THSD7B: variants seen among roughly 807,000 people sequenced by gnomAD.
THSD7B encodes the protein thrombospondin type-1 domain-containing protein 7B.
In THSD7B, 138 loss-of-function variants were observed where a neutral mutation model predicts 213.6. That is an observed-to-expected ratio of 0.65 (90% CI 0.56 to 0.74). The LOEUF (loss-of-function observed/expected upper bound fraction) is 0.74. Ranked by LOEUF, THSD7B falls within the 30% of genes least tolerant of loss-of-function variation. The pLI is 0.00. For missense variants in THSD7B, 1,931 were observed against 1,991.5 expected (o/e 0.97, Z 0.58); for synonymous variants, 742 against 687.0 (o/e 1.08, Z -1.25).
chr2:137,631,922 T>C (rs1468770491), intron 20 of THSD7B, among the ~76,000 whole-genome samples: 1 of 152,218 alleles, frequency 6.6e-6, no homozygotes, highest in African/African-American at 2.4e-5. Context: ...TACTTTTTAA[T>C]ACCTGTTGGT....
chr2:137,235,246 G>C (rs967974569), intron 9 of THSD7B, among the ~76,000 whole-genome samples: 23 of 152,162 alleles, frequency 1.5e-4, no homozygotes, highest in African/African-American at 5.3e-4. Flanking sequence ...CGAAAGATTA[G>C]AATGAATATA....
chr2:137,345,380 T>A (rs1038478450), intron 12 of THSD7B, among the ~76,000 whole-genome samples: 3 of 151,666 alleles, frequency 2.0e-5, no homozygotes, highest in African/African-American at 7.3e-5. Flanking sequence ...AAAAAAATAA[T>A]TTATAAGCTA....
intron 21 of THSD7B, among the ~76,000 whole-genome samples, chr2:137,646,681 T>TAATAATAATAATAATAAA (rs879335014): frequency 0.063 from 9,264 of 147,858 alleles, 444 homozygotes; most frequent in Non-Finnish European, 0.099. Context: ...ATAATAATAA[T>TAATAATAATAATAATAAA]AAACACTTCA....
rs1237304721 is a variant in THSD7B at position 137,360,648 on chromosome 2, C to G, written c.2501-44965C>G. The stretch of plus-strand genomic sequence containing the variant: ...TTGAACTGCTGGGCGGCAAGCCTGG[C>G]TAGGGGAGGGGCGTCTGCCATTGCT... On this transcript the variant is annotated intron_variant, in intron 12 of 27. Transcript: ENST00000409968. 2.0e-5 allele frequency among the ~76,000 whole-genome samples: 3 copies of G among 152,270 alleles called. No individual in the cohort carries two copies. In the East Asian group the frequency reaches 5.8e-4, roughly 30 times the overall value.
chr2:137,219,061 T>C (rs1464929825), intron 7 of THSD7B, among the ~76,000 whole-genome samples: 1 of 152,128 alleles, frequency 6.6e-6, no homozygotes, highest in Non-Finnish European at 1.5e-5. Flanking sequence ...GAGAAAAATA[T>C]ACAGCATGAT....
At chr2:137,258,022 A>G (rs1682347309) in intron 10 of THSD7B, among the ~76,000 whole-genome samples, 1 of 152,102 alleles carries the variant, frequency 6.6e-6, no homozygotes, top group African/African-American at 2.4e-5. Context: ...GATTCATGTA[A>G]AGCACTTGGT....
At chr2:137,307,378 C>T (rs1361638647) in intron 12 of THSD7B, among the ~76,000 whole-genome samples, 1 of 152,032 alleles carries the variant, frequency 6.6e-6, no homozygotes, top group African/African-American at 2.4e-5. Context: ...TGTGGTGACA[C>T]ATGGGAAAAG....
intron 15 of THSD7B, among the ~76,000 whole-genome samples, chr2:137,552,143 T>G (rs1680861040): frequency 2.0e-5 from 3 of 152,170 alleles, no homozygotes; most frequent in Admixed American, 2.0e-4. Context: ...TTTTTGACTT[T>G]TTGAAATTGT....
In THSD7B at chr2:137,294,583, CAAA is replaced by C. The variant is rs1210363889; in HGVS notation, c.2500+18576_2500+18578del. Among the ~76,000 whole-genome samples, 12 of 73,242 alleles carry C rather than the reference CAAA, an allele frequency of 1.6e-4. 1 individual carries two copies. The highest frequency in any genetic ancestry group is 4.5e-4 in the African/African-American group (9 of 20,206). 48.0% of individuals were successfully genotyped at this position (73,242 alleles called of 152,430 possible). ...GGGTGAAAAGAGTGAAACTCCATCT[CAAA>C]AAAAAAAAAAAAAAAAAAGAAAGGG... On this transcript the variant is annotated intron_variant, in intron 12 of 27. Coordinates refer to ENST00000409968, the MANE Select transcript of THSD7B (RefSeq NM_001316349.2).
Position 137,451,015 on chromosome 2 carries a change from A to G in THSD7B, c.3130A>G (p.Lys1044Glu). The change falls in exon 15 of 28, where the codon AAG (lysine) becomes GAG (glutamate). Residue 1044 changes from lysine (K) to glutamate (E), a missense_variant. Lys to Glu is a moderately conservative substitution (Grantham distance 56). Transcript: ENST00000409968. ...GGRPCPKLDL[K>E]NQVHEAVPCY... Reference sequence around the variant, plus strand: ...ACGACCATGTCCCAAACTGGATCTCAAGAATCAGGTAAAGTGCATGAAGCA... The same window carrying G: ...ACGACCATGTCCCAAACTGGATCTCGAGAATCAGGTAAAGTGCATGAAGCA... 1.3e-6 allele frequency: 2 copies of G among 1,594,688 alleles called. No individual in the cohort carries two copies. The highest frequency in any genetic ancestry group is 2.3e-5 in the East Asian group (1 of 44,414).
At chr2:137,645,582 G>A (rs1030737533) in intron 21 of THSD7B, among the ~76,000 whole-genome samples, 4 of 152,006 alleles carry the variant, frequency 2.6e-5, no homozygotes, top group African/African-American at 9.7e-5. Context: ...ATACATACTA[G>A]GAGCACACTG....
rs1300617149 is a variant in THSD7B, at chr2:137,563,308, C to T, written c.3226C>T (p.Leu1076=). ...GTCTTCATGCAAAATCAACAATGAG[C>T]TGAGGTCCCTGCGCTGTGGAGGAGG... The part of the protein sequence containing the change: ...HWSSCKINNE[L]RSLRCGGGTQ... The change falls in exon 16 of 28, where the codon CTG becomes TTG. Residue 1076 remains leucine (L), a synonymous_variant. Transcript: ENST00000409968. 1 of 1,613,388 alleles carries T rather than the reference C, an allele frequency of 6.2e-7. No individual in the cohort carries two copies. Among genetic ancestry groups the T allele is most frequent in the Non-Finnish European group, 8.5e-7 (1 of 1,179,590 alleles).
chr2:137,321,968 T>A (rs1198951016), intron 12 of THSD7B, among the ~76,000 whole-genome samples: 1 of 152,208 alleles, frequency 6.6e-6, no homozygotes, highest in Non-Finnish European at 1.5e-5. Flanking sequence ...TGAGACATTA[T>A]GGGGAAGCAG....
At position 137,051,746 on chromosome 2, in the gene THSD7B, G is replaced by A. The variant is rs540843541; in HGVS notation, c.140-4674G>A. On this transcript the variant is annotated intron_variant, in intron 2 of 27. Coordinates refer to ENST00000409968, the MANE Select transcript of THSD7B (RefSeq NM_001316349.2). ...AAGCAAACATCTCTTCTTATTGCAT[G>A]CATGGTATTAAATCAGGGTTGCCAC... 1.7e-4 allele frequency among the ~76,000 whole-genome samples: 26 copies of A among 152,162 alleles called. 1 individual carries two copies. Among genetic ancestry groups the A allele is most frequent in the Admixed American group, 3.3e-4 (5 of 15,268 alleles).
chr2:137,094,771 TAAATC>T, intron 3 of THSD7B, 97 bp from the exon 4 acceptor site: 1 of 1,441,008 alleles, frequency 6.9e-7, no homozygotes, highest in Non-Finnish European at 9.3e-7. Flanking sequence ...ATTAAACGCT[TAAATC>T]AAATTTCAGA....
At chr2:137,257,658 A>T (rs551924732) in intron 10 of THSD7B, among the ~76,000 whole-genome samples, 1 of 152,322 alleles carries the variant, frequency 6.6e-6, no homozygotes, top group South Asian at 2.1e-4. Context: ...TCCATCCATG[A>T]TGCTGGTCCC....
intron 27 of THSD7B, among the ~76,000 whole-genome samples, chr2:137,672,312 C>T (rs1207311321): frequency 6.6e-6 from 1 of 152,126 alleles, no homozygotes; most frequent in Non-Finnish European, 1.5e-5. Flanking sequence ...TCTGAGGTCA[C>T]CAGCATGGTA....
At chr2:137,541,973 T>C (rs1680618931) in intron 15 of THSD7B, among the ~76,000 whole-genome samples, 1 of 151,436 alleles carries the variant, frequency 6.6e-6, no homozygotes, top group Non-Finnish European at 1.5e-5. Flanking sequence ...CATTATCAAG[T>C]TTGTAAACAT....
chr2:137,277,962 G>A (rs901645675), intron 12 of THSD7B, among the ~76,000 whole-genome samples: 3 of 152,000 alleles, frequency 2.0e-5, no homozygotes, highest in African/African-American at 7.2e-5. Context: ...TTTTTCTTGT[G>A]GGAGCATGGA....
Sources: allele counts gnomAD v4.1 joint callset (sites outside exome capture counted in the v4.1 genomes callset), GRCh38; gene constraint gnomAD v4.1.1; transcripts MANE v1.5; gene names NCBI Gene and HGNC (gene_info 2026-07-23, HGNC 2026-07-21).